The following DMXL1 variants were observed in gnomAD, a reference collection of about 807,000 sequenced individuals.
DMXL1 encodes the protein dmX-like protein 1.
DMXL1 carries 99 observed loss-of-function variants against 319.2 expected under a neutral mutation model. That is an observed-to-expected ratio of 0.31 (90% CI 0.26 to 0.37). The LOEUF (loss-of-function observed/expected upper bound fraction) is 0.37, where lower values mean the gene tolerates loss of function less well. DMXL1 is among the 10% of genes least tolerant of loss of function. The pLI is 1.00. For synonymous variants in DMXL1, 1,385 were observed against 1,235.2 expected, an observed-to-expected ratio of 1.12 and a Z score of -2.54; for missense variants, 3,745 against 3,595.6, an observed-to-expected ratio of 1.04 and a Z score of -1.06.
chr5:119,123,329 G>A, intron 9 of DMXL1, among the ~76,000 whole-genome samples: 1 of 127,704 alleles, frequency 7.8e-6, no homozygotes, highest in South Asian at 2.6e-4. Flanking sequence ...AAGGGGAGAG[G>A]GAGAGGAGGG....
chr5:119,192,623 T>G (rs1778897718), intron 29 of DMXL1, among the ~76,000 whole-genome samples: 1 of 152,240 alleles, frequency 6.6e-6, no homozygotes, highest in African/African-American at 2.4e-5. Flanking sequence ...TTTTAAATTA[T>G]TTTCTTATCT....
intron 19 of DMXL1, among the ~76,000 whole-genome samples, chr5:119,156,013 G>A (rs1274807176): frequency 6.6e-6 from 1 of 152,106 alleles, no homozygotes; most frequent in Non-Finnish European, 1.5e-5. Context: ...GGGTTTGAGA[G>A]GACTGACTCC....
In DMXL1 at chr5:119,241,682, C is replaced by T. The variant is rs189625907; in HGVS notation, c.8704+1211C>T. 8.1e-4 allele frequency among the ~76,000 whole-genome samples: 124 copies of T among 152,222 alleles called. 1 individual carries two copies. The highest frequency in any genetic ancestry group is 2.8e-3 in the African/African-American group (117 of 41,538). On this transcript the variant is annotated intron_variant, in intron 42 of 43. Coordinates refer to ENST00000539542, the MANE Select transcript of DMXL1 (RefSeq NM_001290321.3). Reference sequence around the variant, plus strand: ...GTCTGCTTTTTGGGAGCACTTCCAGCATTACTAGTGGCATGTTGTATGGTT... The same window carrying T: ...GTCTGCTTTTTGGGAGCACTTCCAGTATTACTAGTGGCATGTTGTATGGTT...
chr5:119,122,176 G>A (rs1762264391), intron 9 of DMXL1, among the ~76,000 whole-genome samples: 4 of 135,676 alleles, frequency 2.9e-5, no homozygotes, highest in Admixed American at 2.1e-4. Flanking sequence ...GCGGCTGGCC[G>A]GGCAGAGTGG....
chr5:119,143,122 G>A (rs749789159), intron 13 of DMXL1, among the ~76,000 whole-genome samples: 5 of 151,908 alleles, frequency 3.3e-5, no homozygotes, highest in Non-Finnish European at 5.9e-5. Context: ...AATAACTCTC[G>A]GGTACTGGGC....
At chr5:119,147,084 C>A in intron 16 of DMXL1, 128 bp downstream of exon 16, 2 of 1,168,552 alleles carry the variant, frequency 1.7e-6, no homozygotes, top group Non-Finnish European at 2.4e-6. Context: ...GTAGATTATT[C>A]AATTAATTCA....
rs572043856 is a variant in DMXL1 at position 119,171,376 on chromosome 5, A to T, written c.6489+96A>T. ...TGAATACTAAGACTTGATTTTCTTT[A>T]TTACGGTTGCTTTAGGGAAAGCTCC... On this transcript the variant is annotated intron_variant, in intron 24 of 43. Coordinates refer to ENST00000539542, the MANE Select transcript of DMXL1 (RefSeq NM_001290321.3). The T allele has an allele frequency of 5.2e-5, 67 of 1,278,566 alleles. No individual in the cohort carries two copies. The East Asian group carries it at 1.6e-3, about 30-fold the overall frequency. The allele number at this position is 1,278,566 out of a possible 1,614,324, so 79.2% of individuals were successfully genotyped here. A position where few individuals can be genotyped will look rare whatever the true frequency, so the allele number is the denominator to read the frequency against.
chr5:119,193,859 A>C lies in DMXL1; in HGVS notation c.7346A>C (p.Glu2449Ala). The C allele has an allele frequency of 6.2e-7, 1 of 1,613,032 alleles. No individual in the cohort carries two copies. The stretch of plus-strand genomic sequence containing the variant: ...CTACCCTCTTCTCAAAGTAGAGCCG[A>C]ATATGATTCAGAGGAGAGTCTGGGA... The part of the protein sequence containing the change: ...PFLPSSQSRA[E>A]YDSEESLGSD... The change falls in exon 30 of 44, where the codon GAA becomes GCA. Residue 2449 changes from glutamate (E) to alanine (A), a missense_variant. Coordinates refer to ENST00000539542, the MANE Select transcript of DMXL1 (RefSeq NM_001290321.3).
chr5:119,081,237 C>T (rs1308657360), intron 1 of DMXL1, among the ~76,000 whole-genome samples: 1 of 152,188 alleles, frequency 6.6e-6, no homozygotes, highest in African/African-American at 2.4e-5. Flanking sequence ...GCTGCCTCCC[C>T]TTCTTCACTC....
Position 119,148,869 on chromosome 5 carries a change from T to G in DMXL1, c.3042T>G (p.Asn1014Lys). 1 of 1,613,834 alleles carries G rather than the reference T, an allele frequency of 6.2e-7. No homozygotes were observed. Residue 1014 changes from asparagine to lysine, a missense_variant, in exon 18 of 44, where the codon AAT (asparagine) becomes AAG (lysine). Around this residue, in one of 4 missense-constraint regions of DMXL1, gnomAD observed 2,096 missense variants for 1,985.4 expected, o/e 1.06. Coordinates refer to ENST00000539542, the MANE Select transcript of DMXL1 (RefSeq NM_001290321.3). ...ATGGAGAATCTGCCACGTCAAAGAATGGAAAAATTGATCTTGCATACATTT... is the reference window on the plus strand; with the variant it reads ...ATGGAGAATCTGCCACGTCAAAGAAGGGAAAAATTGATCTTGCATACATTT... ...VTDGESATSK[N>K]GKIDLAYIWE...
Position 119,240,414 on chromosome 5 carries a change from TC to T in DMXL1, c.8652-3del. 1.9e-6 allele frequency: 3 copies of T among 1,589,694 alleles called. No homozygotes were observed. Among genetic ancestry groups the T allele is most frequent in the South Asian group, 1.1e-5 (1 of 88,070 alleles). On this transcript the variant is annotated splice_region_variant and splice_polypyrimidine_tract_variant and intron_variant, in intron 41 of 43. Transcript: ENST00000539542. ...CTCAGAAGTAATCTTTTTTTTTTTT[TC>T]CAGAAACGTATGTTTGTGGGATACT...
At chr5:119,112,932 G>T (rs1759988960) in intron 5 of DMXL1, among the ~76,000 whole-genome samples, 2 of 151,930 alleles carry the variant, frequency 1.3e-5, no homozygotes, top group South Asian at 4.2e-4. Flanking sequence ...CTCCAGCCTG[G>T]GCAATAGAGT....
At chr5:119,116,086 T>G in intron 6 of DMXL1, 72 bp from the exon 7 acceptor site, 1 of 1,420,838 alleles carries the variant, frequency 7.0e-7, no homozygotes, top group Non-Finnish European at 9.5e-7. Flanking sequence ...GAGAAAATTC[T>G]TACTTTTGCT....
intron 1 of DMXL1, among the ~76,000 whole-genome samples, chr5:119,090,704 C>A (rs961049283): frequency 1.3e-5 from 2 of 151,484 alleles, no homozygotes; most frequent in Non-Finnish European, 2.9e-5. Flanking sequence ...CTGGGATTAC[C>A]GGCGCCTGCT....
chr5:119,229,043 G>A lies in DMXL1; in HGVS notation c.8338+4274G>A, dbSNP rs142103306. Among the ~76,000 whole-genome samples, 1,113 of 148,982 alleles carry A rather than the reference G, an allele frequency of 7.5e-3. 13 individuals carry two copies. Among genetic ancestry groups the A allele is most frequent in the Non-Finnish European group, 0.01 (707 of 67,358 alleles). The stretch of plus-strand genomic sequence containing the variant: ...ATAAAACAAAATCTCGGCTGGGCGC[G>A]GTGACTCATGTCTGTAATCCCACCT... On this transcript the variant is annotated intron_variant, in intron 38 of 43. Transcript: ENST00000539542.
chr5:119,073,237 AT>A (rs1201156326), intron 1 of DMXL1, among the ~76,000 whole-genome samples: 1 of 151,994 alleles, frequency 6.6e-6, no homozygotes, highest in Admixed American at 6.6e-5. Flanking sequence ...TAAGTTTTCT[AT>A]TTTTTGTAGA....
intron 30 of DMXL1, 63 bp downstream of exon 30, chr5:119,194,033 G>T: frequency 1.7e-6 from 2 of 1,188,146 alleles, no homozygotes; most frequent in Non-Finnish European, 1.1e-6. Context: ...TAATATTTTT[G>T]AAAAAATTAC....
chr5:119,218,566 C>T (rs1784099903), intron 35 of DMXL1, among the ~76,000 whole-genome samples: 2 of 152,116 alleles, frequency 1.3e-5, no homozygotes, highest in South Asian at 2.1e-4. Context: ...AAGCGATTCT[C>T]CTGCCTCAGC....
At chr5:119,136,830 C>T (rs1766101075) in intron 13 of DMXL1, among the ~76,000 whole-genome samples, 1 of 152,250 alleles carries the variant, frequency 6.6e-6, no homozygotes, top group Admixed American at 6.5e-5. Context: ...TATGGAAACA[C>T]CTGGATGTTC....
Sources: gnomAD v4.1 joint callset for allele counts (sites outside exome capture counted in the v4.1 genomes callset) on GRCh38, gnomAD v4.1.1 for gene constraint, gnomAD v4.1.1 regional missense constraint, MANE v1.5 for transcripts, NCBI Gene and HGNC (gene_info 2026-07-23, HGNC 2026-07-21) for gene names.